The following ZNF724 variants were observed in gnomAD, a reference collection of about 807,000 sequenced individuals.
ZNF724 encodes zinc finger protein 724.
In ZNF724, 14 loss-of-function variants were observed where a neutral mutation model predicts 29.3. The observed-to-expected ratio is 0.48, with a 90% CI of 0.32 to 0.75. The LOEUF (loss-of-function observed/expected upper bound fraction) is 0.75, where lower values mean the gene tolerates loss of function less well. Among genes scored for constraint, ZNF724 ranks in the 30% least tolerant of loss-of-function variants. The probability of loss-of-function intolerance (pLI) is 0.04; values close to 1 mark genes in which losing one functional copy is unlikely to be tolerated. For missense variants in ZNF724, 557 were observed against 571.2 expected (o/e 0.98, Z 0.25); for synonymous variants, 180 against 193.6 (o/e 0.93, Z 0.58).
At chr19:23,226,710 A>G (rs1022876022) in intron 3 of ZNF724, among the ~76,000 whole-genome samples, 1 of 152,222 alleles carries the variant, frequency 6.6e-6, no homozygotes, top group Admixed American at 6.5e-5. Flanking sequence ...ACAACCACTG[A>G]AAACAGCTAA....
At chr19:23,242,406 C>G (rs1349996892) in intron 1 of ZNF724, among the ~76,000 whole-genome samples, 1 of 151,774 alleles carries the variant, frequency 6.6e-6, no homozygotes, top group Non-Finnish European at 1.5e-5. Context: ...TAAAGAAACC[C>G]AATTTCTACA....
intron 1 of ZNF724, chr19:23,236,633 G>A (rs1013640175): frequency 6.6e-6 from 1 of 152,198 alleles, no homozygotes; most frequent in Admixed American, 6.6e-5. Flanking sequence ...GATTGATCAT[G>A]TTGGCCAGAA....
chr19:23,223,258 CTT>C lies in ZNF724; in HGVS notation c.985_986del (p.Lys329GlufsTer6). 1 of 867,684 alleles carries C rather than the reference CTT, an allele frequency of 1.2e-6. No individual in the cohort carries two copies. The highest frequency in any genetic ancestry group is 2.0e-6 in the Non-Finnish European group (1 of 505,544). The allele number at this position is 867,684 out of a possible 1,614,324, so 53.7% of individuals were successfully genotyped here. A position where few individuals can be genotyped will look rare whatever the true frequency, so the allele number is the denominator to read the frequency against. On this transcript the variant is annotated frameshift_variant, in exon 4 of 4. Transcript: ENST00000418100. LOFTEE classifies it high-confidence loss of function. Reference protein sequence around the residue: ...FNQSSNLTKHKRIHTGDKPYK... With the variant: ...FNQSSNLTKHXRIHTGDKPYK... ...AAGGTTTATCACCAGTATGAATTCT[CTT>C]ATGTTTAGTAAGGTTCGAGGATTGG...
intron 1 of ZNF724, among the ~76,000 whole-genome samples, chr19:23,240,792 G>A (rs1443718083): frequency 6.7e-6 from 1 of 150,192 alleles, no homozygotes. Context: ...AGCACTTTGG[G>A]AGGCCGAGGC....
At chr19:23,244,437 GAGA>G (rs1179785004) in intron 1 of ZNF724, among the ~76,000 whole-genome samples, 1 of 152,154 alleles carries the variant, frequency 6.6e-6, no homozygotes, top group African/African-American at 2.4e-5. Context: ...ACTGTGGAAA[GAGA>G]AGGTCTGTCA....
In ZNF724 at chr19:23,222,301, T is replaced by C; in HGVS notation, c.*84A>G. The C allele has an allele frequency of 1.5e-6, 1 of 646,176 alleles. No homozygotes were observed. Among genetic ancestry groups the C allele is most frequent in the South Asian group, 2.0e-5 (1 of 51,246 alleles). 40.0% of individuals were successfully genotyped at this position (646,176 alleles called of 1,614,324 possible). A position where few individuals can be genotyped will look rare whatever the true frequency, so the allele number is the denominator to read the frequency against. ...TCTTCGTTGGCCAGGATGGTCTCAA[T>C]CTCTTGATCTTGTGATCCACCCGCC... On this transcript the variant is annotated 3_prime_UTR_variant, in exon 4 of 4. Transcript: ENST00000418100.
chr19:23,241,988 G>C (rs546086340), intron 1 of ZNF724, among the ~76,000 whole-genome samples: 1 of 152,170 alleles, frequency 6.6e-6, no homozygotes, highest in East Asian at 1.9e-4. Context: ...GAAAACCCTA[G>C]TTTTGGCAGA....
chr19:23,231,671 C>T (rs1971935436), intron 2 of ZNF724, among the ~76,000 whole-genome samples: 1 of 151,878 alleles, frequency 6.6e-6, no homozygotes, highest in Admixed American at 6.6e-5. Context: ...ATAAAAAGTC[C>T]AGATCACAAT....
intron 3 of ZNF724, among the ~76,000 whole-genome samples, chr19:23,226,877 C>T (rs549722310): frequency 6.6e-6 from 1 of 152,042 alleles, no homozygotes; most frequent in Non-Finnish European, 1.5e-5. Context: ...TACAAATTGT[C>T]TAAAATTTTA....
intron 3 of ZNF724, among the ~76,000 whole-genome samples, chr19:23,228,340 C>T (rs1971874916): frequency 6.6e-6 from 1 of 151,038 alleles, no homozygotes; most frequent in Non-Finnish European, 1.5e-5. Flanking sequence ...ATCCCAGCTA[C>T]TCGGGAGGCT....
At chr19:23,235,684 T>C (rs918076329) in intron 1 of ZNF724, among the ~76,000 whole-genome samples, 1 of 152,144 alleles carries the variant, frequency 6.6e-6, no homozygotes, top group African/African-American at 2.4e-5. Flanking sequence ...CCTGTGAAGT[T>C]TGTAGAAATC....
At chr19:23,250,204 C>T (rs754250126) in intron 1 of ZNF724, 36 bp downstream of exon 1, 25 of 598,662 alleles carry the variant, frequency 4.2e-5, no homozygotes, top group South Asian at 8.2e-5. Context: ...ACCAGCCCCT[C>T]CCTCTCTCTC....
intron 1 of ZNF724, among the ~76,000 whole-genome samples, chr19:23,247,671 T>C (rs1972265677): frequency 1.3e-5 from 2 of 152,362 alleles, no homozygotes; most frequent in East Asian, 3.9e-4. Context: ...TTATCTGTCT[T>C]TGGGGATACA....
At chr19:23,239,867 C>A (rs1972088732) in intron 1 of ZNF724, among the ~76,000 whole-genome samples, 2 of 147,186 alleles carry the variant, frequency 1.4e-5, no homozygotes, top group African/African-American at 5.4e-5. Context: ...CAAGAAATAA[C>A]CAAAATTAGA....
chr19:23,231,135 A>G (rs7256859), intron 3 of ZNF724, 131 bp downstream of exon 3: 589,613 of 686,620 alleles, frequency 0.86, 253,512 homozygotes, highest in South Asian at 0.93. Flanking sequence ...TGCCCGCCTT[A>G]GCCTCTCCAA....
chr19:23,234,978 G>T (rs542064989), intron 1 of ZNF724, among the ~76,000 whole-genome samples: 1 of 152,250 alleles, frequency 6.6e-6, no homozygotes, highest in African/African-American at 2.4e-5. Context: ...AAATACTTCC[G>T]GCACAAATGA....
At chr19:23,234,046 AC>A (rs574592006) in intron 1 of ZNF724, among the ~76,000 whole-genome samples, 14 of 151,962 alleles carry the variant, frequency 9.2e-5, no homozygotes, top group Non-Finnish European at 2.1e-4. Context: ...GTCCTTAGGT[AC>A]CCTCCCCACC....
At chr19:23,229,257 T>C (rs531549091) in intron 3 of ZNF724, among the ~76,000 whole-genome samples, 1 of 152,184 alleles carries the variant, frequency 6.6e-6, no homozygotes, top group African/African-American at 2.4e-5. Context: ...CCACTGAGAA[T>C]ACTGAACTTA....
chr19:23,234,240 A>G (rs1971986493), intron 1 of ZNF724, among the ~76,000 whole-genome samples: 1 of 152,184 alleles, frequency 6.6e-6, no homozygotes, highest in South Asian at 2.1e-4. Flanking sequence ...CACATGAGGC[A>G]CTTAATTAAA....
Sources: allele counts gnomAD v4.1 joint callset (sites outside exome capture counted in the v4.1 genomes callset), GRCh38; gene constraint gnomAD v4.1.1; transcripts MANE v1.5; gene names NCBI Gene and HGNC (gene_info 2026-07-23, HGNC 2026-07-21).